ASB1: variants seen among roughly 807,000 people sequenced by gnomAD.
ASB1 encodes ankyrin repeat and SOCS box containing 1, also known as ankyrin repeat and SOCS box protein 1.
ASB1 carries 18 observed loss-of-function variants against 27.7 expected under a neutral mutation model. The ratio of observed to expected loss-of-function variants is 0.65; its 90% confidence interval spans 0.45 to 0.96. The LOEUF is 0.96. ASB1 is among the 50% of genes least tolerant of loss of function. The pLI, the probability that ASB1 is intolerant of heterozygous loss-of-function variation, is 0.00. For missense variants in ASB1, 397 were observed against 451.7 expected (o/e 0.88, Z 1.10); for synonymous variants, 189 against 187.6 (o/e 1.01, Z -0.06).
chr2:238,432,789 A>G (rs954502921), intron 1 of ASB1, among the ~76,000 whole-genome samples: 9 of 150,994 alleles, frequency 6.0e-5, no homozygotes, highest in African/African-American at 2.2e-4. Flanking sequence ...CTCAGTCGCC[A>G]GGCTCTGGAG....
At chr2:238,438,402 A>G (rs1029643153) in intron 3 of ASB1, among the ~76,000 whole-genome samples, 12 of 151,786 alleles carry the variant, frequency 7.9e-5, no homozygotes, top group South Asian at 2.1e-4. Flanking sequence ...GGGTTTCACC[A>G]TGTTAGCCAG....
At chr2:238,444,208 A>T in intron 3 of ASB1, 134 bp from the exon 4 acceptor site, 1 of 864,748 alleles carries the variant, frequency 1.2e-6, no homozygotes, top group Non-Finnish European at 1.7e-6. Context: ...TGATCTGTGG[A>T]GTCTCCTACA....
At chr2:238,434,484 A>G (rs908412908) in intron 2 of ASB1, among the ~76,000 whole-genome samples, 3 of 152,194 alleles carry the variant, frequency 2.0e-5, no homozygotes, top group African/African-American at 4.8e-5. Context: ...GGTAGAAGCA[A>G]TGCCTACATG....
At chr2:238,436,171 T>G (rs1223223566) in intron 3 of ASB1, among the ~76,000 whole-genome samples, 158 bp downstream of exon 3, 1 of 152,234 alleles carries the variant, frequency 6.6e-6, no homozygotes, top group Non-Finnish European at 1.5e-5. Flanking sequence ...GGTCTCTTTG[T>G]TTTTTGGCTT....
chr2:238,434,327 T>C (rs368641664), intron 2 of ASB1, among the ~76,000 whole-genome samples: 1 of 152,126 alleles, frequency 6.6e-6, no homozygotes, highest in African/African-American at 2.4e-5. Flanking sequence ...GGGAGCAGAG[T>C]CTGCTTGCTC....
rs1235864334 is a variant in ASB1, at chr2:238,451,167, G to A, written c.*4656G>A. 1 of 152,172 alleles carries A rather than the reference G, an allele frequency of 6.6e-6. No individual in the cohort carries two copies. Among genetic ancestry groups the A allele is most frequent in the African/African-American group, 2.4e-5 (1 of 41,434 alleles). 9.4% of individuals were successfully genotyped at this position (152,172 alleles called of 1,614,324 possible). On this transcript the variant is annotated 3_prime_UTR_variant, in exon 5 of 5. Transcript: ENST00000264607. ...CCAGGAGAATTCCACGGAGAGGAATGTGCAGATTTTGAAGTGTACAGTGAT... is the reference window on the plus strand; with the variant it reads ...CCAGGAGAATTCCACGGAGAGGAATATGCAGATTTTGAAGTGTACAGTGAT...
intron 1 of ASB1, 141 bp from the exon 2 acceptor site, chr2:238,433,413 G>C (rs1010022434): frequency 9.7e-7 from 1 of 1,030,390 alleles, no homozygotes; most frequent in Admixed American, 2.5e-5. Context: ...GTGCCACCAT[G>C]CCCAGCTTGT....
At chr2:238,443,869 G>A (rs980049671) in intron 3 of ASB1, among the ~76,000 whole-genome samples, 1 of 152,018 alleles carries the variant, frequency 6.6e-6, no homozygotes, top group Non-Finnish European at 1.5e-5. Context: ...TAACTCCCAT[G>A]AGGTCATGGT....
intron 1 of ASB1, among the ~76,000 whole-genome samples, chr2:238,428,544 G>A (rs1169900388): frequency 6.6e-6 from 1 of 152,206 alleles, no homozygotes; most frequent in Non-Finnish European, 1.5e-5. Flanking sequence ...TGATCTGCCC[G>A]CCTCTGCCTC....
intron 2 of ASB1, among the ~76,000 whole-genome samples, chr2:238,435,005 G>C (rs774687723): frequency 6.6e-6 from 1 of 152,170 alleles, no homozygotes; most frequent in Non-Finnish European, 1.5e-5. Context: ...CCCTGGTTTG[G>C]TGCTCTGGGC....
Position 238,449,843 on chromosome 2 carries a change from A to C in ASB1, c.*3332A>C, listed in dbSNP as rs1702249492. On this transcript the variant is annotated 3_prime_UTR_variant, in exon 5 of 5. Coordinates refer to ENST00000264607, the MANE Select transcript of ASB1 (RefSeq NM_001040445.3). ...CCTTTTTCAATGAATTGATTCTTCA[A>C]ATTAAAAGTTCTTGAGAGAAGGAGA... The C allele has an allele frequency of 3.3e-5, 5 of 152,224 alleles. No individual in the cohort carries two copies. The South Asian group carries it at 1.0e-3, about 32-fold the overall frequency. 9.4% of individuals were successfully genotyped at this position (152,224 alleles called of 1,614,324 possible). A position where few individuals can be genotyped will look rare whatever the true frequency, so the allele number is the denominator to read the frequency against.
In ASB1 at chr2:238,438,198, C is replaced by CTTTTTTTTTTT. The variant is rs1559414171; in HGVS notation, c.494+2185_494+2186insTTTTTTTTTTT. 7.1e-4 allele frequency among the ~76,000 whole-genome samples: 32 copies of CTTTTTTTTTTT among 44,964 alleles called. 1 individual carries two copies. Among genetic ancestry groups the CTTTTTTTTTTT allele is most frequent in the African/African-American group, 2.7e-3 (27 of 9,876 alleles). The allele number at this position is 44,964 out of a possible 152,430, so 29.5% of individuals were successfully genotyped here. Reference sequence around the variant, plus strand: ...GAGAAGTACATATACAGATGCCCTTCATTTTTTTTTTTTTTTTTTGAGACG... The same window carrying CTTTTTTTTTTT: ...GAGAAGTACATATACAGATGCCCTTCTTTTTTTTTTTATTTTTTTTTTTTTTTTTTGAGACG... On this transcript the variant is annotated intron_variant, in intron 3 of 4. Transcript: ENST00000264607.
intron 1 of ASB1, among the ~76,000 whole-genome samples, chr2:238,432,995 C>G (rs1468623442): frequency 6.6e-6 from 1 of 152,186 alleles, no homozygotes; most frequent in Non-Finnish European, 1.5e-5. Context: ...ATCTGCCCGC[C>G]TCGGCCTCTC....
At chr2:238,434,731 G>C (rs981181898) in intron 2 of ASB1, among the ~76,000 whole-genome samples, 1 of 152,200 alleles carries the variant, frequency 6.6e-6, no homozygotes, top group Non-Finnish European at 1.5e-5. Context: ...AATTCAACTT[G>C]CAGATGTAAC....
rs1440651891 is a variant in ASB1, at chr2:238,449,605, A to G, written c.*3094A>G. On this transcript the variant is annotated 3_prime_UTR_variant, in exon 5 of 5. Coordinates refer to ENST00000264607, the MANE Select transcript of ASB1 (RefSeq NM_001040445.3). The stretch of plus-strand genomic sequence containing the variant: ...TGAGGGGTTTTAGATAAACCCATCA[A>G]TATCACCCACATTCTGTGACTCTTT... 1 of 152,270 alleles carries G rather than the reference A, an allele frequency of 6.6e-6. No homozygotes were observed. Among genetic ancestry groups the G allele is most frequent in the East Asian group, 1.9e-4 (1 of 5,194 alleles). 9.4% of individuals were successfully genotyped at this position (152,270 alleles called of 1,614,324 possible).
chr2:238,437,556 G>A (rs1701997090), intron 3 of ASB1, among the ~76,000 whole-genome samples: 2 of 129,542 alleles, frequency 1.5e-5, no homozygotes, highest in Non-Finnish European at 3.6e-5. Flanking sequence ...TCATACTAAC[G>A]GTTGCCTTTT....
In ASB1 at chr2:238,444,404, G is replaced by T; in HGVS notation, c.557G>T (p.Arg186Leu). The change falls in exon 4 of 5, where the codon CGG (arginine) becomes CTG (leucine). Residue 186 changes from arginine (R) to leucine (L), a missense_variant. Arg to Leu is a moderately radical substitution (Grantham distance 102). Transcript: ENST00000264607. Reference protein sequence around the residue: ...LTPDVQPRFSRRLTSLVVCPL... With the variant: ...LTPDVQPRFSLRLTSLVVCPL... ...CCTGATGTCCAGCCTCGATTCTCCCGGCGGCTCACCTCCTTGGTGGTCTGC... is the reference window on the plus strand; with the variant it reads ...CCTGATGTCCAGCCTCGATTCTCCCTGCGGCTCACCTCCTTGGTGGTCTGC... The T allele has an allele frequency of 6.8e-6, 11 of 1,613,542 alleles. No individual in the cohort carries two copies. Among genetic ancestry groups the T allele is most frequent in the South Asian group, 1.1e-5 (1 of 91,070 alleles).
chr2:238,427,243 G>A lies in ASB1; in HGVS notation c.49+124G>A, dbSNP rs1268391170. The A allele has an allele frequency of 5.9e-6, 4 of 680,686 alleles. No homozygotes were observed. In the African/African-American group the frequency reaches 7.5e-5, roughly 13 times the overall value. The allele number at this position is 680,686 out of a possible 1,614,324, so 42.2% of individuals were successfully genotyped here. ...GCCGGGTCCACGGGGCAGCCAGGGA[G>A]CCGCACCCTGCAGGCCGGGGGTGGG... On this transcript the variant is annotated intron_variant, in intron 1 of 4. Coordinates refer to ENST00000264607, the MANE Select transcript of ASB1 (RefSeq NM_001040445.3).
At position 238,448,816 on chromosome 2, in the gene ASB1, T is replaced by A. The variant is rs974362060; in HGVS notation, c.*2305T>A. Reference sequence around the variant, plus strand: ...TCCTTTGCACAGCCCAGGGCCTGTTTTGGAGGGACCAGGTCACTGCCCCTG... The same window carrying A: ...TCCTTTGCACAGCCCAGGGCCTGTTATGGAGGGACCAGGTCACTGCCCCTG... On this transcript the variant is annotated 3_prime_UTR_variant, in exon 5 of 5. Coordinates refer to ENST00000264607, the MANE Select transcript of ASB1 (RefSeq NM_001040445.3). 1 of 152,390 alleles carries A rather than the reference T, an allele frequency of 6.6e-6. No individual in the cohort carries two copies. Among genetic ancestry groups the A allele is most frequent in the Admixed American group, 6.5e-5 (1 of 15,286 alleles). The allele number at this position is 152,390 out of a possible 1,614,324, so 9.4% of individuals were successfully genotyped here.
Sources: gnomAD v4.1 joint callset for allele counts (sites outside exome capture counted in the v4.1 genomes callset) on GRCh38, gnomAD v4.1.1 for gene constraint, MANE v1.5 for transcripts, NCBI Gene and HGNC (gene_info 2026-07-23, HGNC 2026-07-21) for gene names.